TENM3: variants seen among roughly 807,000 people sequenced by gnomAD.
The protein encoded by TENM3 is teneurin-3.
TENM3 carries 63 observed loss-of-function variants against 255.1 expected under a neutral mutation model. That is an observed-to-expected ratio of 0.25 (90% CI 0.20 to 0.30). The LOEUF (loss-of-function observed/expected upper bound fraction) is 0.30. TENM3 is among the 10% of genes least tolerant of loss of function. The pLI is 1.00. For synonymous variants in TENM3, 1,306 were observed against 1,322.3 expected, an observed-to-expected ratio of 0.99 and a Z score of 0.27; for missense variants, 2,929 against 3,461.1, an observed-to-expected ratio of 0.85 and a Z score of 3.86.
chr4:182,263,274 G>T (rs1199390077), intron 1 of TENM3, among the ~76,000 whole-genome samples: 2 of 152,078 alleles, frequency 1.3e-5, no homozygotes. Context: ...ATAAGTGGTG[G>T]GTTCCTGGGT....
intron 1 of TENM3, among the ~76,000 whole-genome samples, chr4:182,274,961 A>T (rs1164905810): frequency 6.6e-6 from 1 of 151,984 alleles, no homozygotes; most frequent in Non-Finnish European, 1.5e-5. Context: ...CATAGTTCAG[A>T]TTACAGGCAC....
chr4:181,525,876 A>C, the TENM3 span, among the ~76,000 whole-genome samples: 1 of 152,156 alleles, frequency 6.6e-6, no homozygotes, highest in Non-Finnish European at 1.5e-5. Context: ...TGGGTAATTA[A>C]GTGGTGTGGT....
chr4:182,489,823 C>T (rs902852125), intron 3 of TENM3, among the ~76,000 whole-genome samples: 1 of 129,686 alleles, frequency 7.7e-6, no homozygotes, highest in Non-Finnish European at 1.6e-5. Flanking sequence ...CCTTCCCTCC[C>T]TCCCTTCCTT....
intron 3 of TENM3, among the ~76,000 whole-genome samples, chr4:182,582,456 G>A (rs1011006953): frequency 2.0e-5 from 3 of 152,114 alleles, no homozygotes; most frequent in Non-Finnish European, 4.4e-5. Context: ...TAAGCCTATT[G>A]CGTAATCAGC....
At position 182,189,329 on chromosome 4, in the gene TENM3, G is replaced by A. The variant is rs1020181388; in HGVS notation, c.-76+44575G>A. On this transcript the variant is annotated intron_variant, in intron 1 of 2. Coordinates refer to the TENM3 transcript ENST00000512480. ...CAGTACATCAATCCTTTACTCTTCC[G>A]TGTCATACAAAAAATATTCTGTGAA... 6.6e-5 allele frequency among the ~76,000 whole-genome samples: 10 copies of A among 151,968 alleles called. 1 individual carries two copies. In the South Asian group the frequency reaches 8.3e-4, roughly 13 times the overall value.
the TENM3 span, among the ~76,000 whole-genome samples, chr4:181,828,368 C>T: frequency 0.079 from 12,050 of 152,242 alleles, 1,066 homozygotes; most frequent in East Asian, 0.53. Flanking sequence ...AATATTCCTT[C>T]TTCTTTCTTT....
chr4:181,859,258 A>AAG, the TENM3 span, among the ~76,000 whole-genome samples: 2 of 130,836 alleles, frequency 1.5e-5, 1 homozygote, highest in Middle Eastern at 7.6e-3. Context: ...AAAAAAAAAA[A>AAG]AAAAAAAATC....
At chr4:181,540,479 G>C in the TENM3 span, among the ~76,000 whole-genome samples, 23 of 152,094 alleles carry the variant, frequency 1.5e-4, no homozygotes, top group Non-Finnish European at 4.4e-5. Context: ...AGAGCGGACA[G>C]GGAGAGAAAA....
chr4:181,572,371 T>C, the TENM3 span, among the ~76,000 whole-genome samples: 5 of 152,144 alleles, frequency 3.3e-5, no homozygotes, highest in South Asian at 1.0e-3. Context: ...ATATGAAAAA[T>C]AAGAAGATAT....
intron 1 of TENM3, among the ~76,000 whole-genome samples, chr4:182,192,979 C>T (rs1264045481): frequency 2.6e-5 from 4 of 152,134 alleles, no homozygotes; most frequent in Non-Finnish European, 5.9e-5. Flanking sequence ...TGTGCTGAAC[C>T]AGCAATTACT....
the TENM3 span, among the ~76,000 whole-genome samples, chr4:181,674,506 G>A: frequency 1.3e-5 from 2 of 151,962 alleles, no homozygotes; most frequent in Non-Finnish European, 2.9e-5. Context: ...CTTCTCAGAA[G>A]CCTTATTAAG....
the TENM3 span, among the ~76,000 whole-genome samples, chr4:181,922,125 A>G: frequency 6.6e-6 from 1 of 152,276 alleles, no homozygotes; most frequent in East Asian, 1.9e-4. Context: ...GTGCTGCTGG[A>G]TTCAGTTTGC....
chr4:182,768,485 G>A (rs1359974904), intron 22 of TENM3, among the ~76,000 whole-genome samples: 2 of 152,088 alleles, frequency 1.3e-5, no homozygotes, highest in African/African-American at 4.8e-5. Context: ...GATTGATTTG[G>A]TATCAGTGAA....
chr4:181,591,090 T>A, the TENM3 span, among the ~76,000 whole-genome samples: 1 of 152,236 alleles, frequency 6.6e-6, no homozygotes, highest in Non-Finnish European at 1.5e-5. Context: ...TTGACAAACA[T>A]GTTGGAACAC....
At chr4:182,193,667 T>G (rs1753670261) in intron 1 of TENM3, among the ~76,000 whole-genome samples, 1 of 152,206 alleles carries the variant, frequency 6.6e-6, no homozygotes, top group African/African-American at 2.4e-5. Flanking sequence ...AAGATTGACA[T>G]GTTTATTTTT....
chr4:182,616,522 T>TAAAAAA (rs542212636), intron 4 of TENM3, among the ~76,000 whole-genome samples: 1 of 94,316 alleles, frequency 1.1e-5, no homozygotes, highest in Non-Finnish European at 2.0e-5. Context: ...TAAAGTATAA[T>TAAAAAA]AAAAAAAAAA....
At chr4:181,925,217 A>G in the TENM3 span, among the ~76,000 whole-genome samples, 1 of 152,220 alleles carries the variant, frequency 6.6e-6, no homozygotes. Context: ...TGGCATAATG[A>G]CAGTAATGAA....
chr4:181,665,214 C>T, the TENM3 span, among the ~76,000 whole-genome samples: 4 of 152,146 alleles, frequency 2.6e-5, no homozygotes, highest in Non-Finnish European at 5.9e-5. Flanking sequence ...AACTTTTTAA[C>T]AGATACCTGG....
intron 3 of TENM3, among the ~76,000 whole-genome samples, chr4:182,357,488 T>G (rs1230953557): frequency 6.6e-6 from 1 of 152,076 alleles, no homozygotes; most frequent in Non-Finnish European, 1.5e-5. Flanking sequence ...CATTTTTTCA[T>G]GTGTTTTTTG....
Sources: gnomAD v4.1 joint callset for allele counts (sites outside exome capture counted in the v4.1 genomes callset) on GRCh38, gnomAD v4.1.1 for gene constraint, MANE v1.5 for transcripts, NCBI Gene and HGNC (gene_info 2026-07-23, HGNC 2026-07-21) for gene names.